Variants in ARRDC3 observed in about 807,000 individuals in gnomAD.
The protein encoded by ARRDC3 is arrestin domain-containing protein 3.
A neutral mutation model predicts 47.2 loss-of-function variants in ARRDC3; 10 were observed. That is an observed-to-expected ratio of 0.21 (90% CI 0.13 to 0.36). The LOEUF is 0.36. Among genes scored for constraint, ARRDC3 ranks in the 10% least tolerant of loss-of-function variants. The probability of loss-of-function intolerance (pLI) is 1.00; values close to 1 mark genes in which losing one functional copy is unlikely to be tolerated. For missense variants in ARRDC3, 381 were observed against 503.6 expected, an observed-to-expected ratio of 0.76 and a Z score of 2.33; for synonymous variants, 156 against 178.3, an observed-to-expected ratio of 0.87 and a Z score of 1.00.
At chr5:91,382,725 A>G (rs1799479356) in intron 1 of ARRDC3, 88 bp downstream of exon 1, 2 of 1,359,190 alleles carry the variant, frequency 1.5e-6, no homozygotes, top group African/African-American at 1.5e-5. Context: ...TAGTTATGCT[A>G]GGAGTAGAAT....
chr5:91,371,068 G>T lies in ARRDC3; in HGVS notation c.*332C>A. The T allele has an allele frequency of 4.1e-5, 9 of 217,388 alleles. No individual in the cohort carries two copies. Among genetic ancestry groups the T allele is most frequent in the East Asian group, 1.0e-4 (1 of 9,764 alleles). 13.5% of individuals were successfully genotyped at this position (217,388 alleles called of 1,614,324 possible). On this transcript the variant is annotated 3_prime_UTR_variant, in exon 8 of 8. Transcript: ENST00000265138. Reference sequence around the variant, plus strand: ...CGTCGAACCGCACAATGTAAGCATTGAGCATGTGCAAATTTTCAAATCAAA... The same window carrying T: ...CGTCGAACCGCACAATGTAAGCATTTAGCATGTGCAAATTTTCAAATCAAA...
At chr5:91,380,402 CT>C (rs1799424146) in intron 1 of ARRDC3, 1 of 152,244 alleles carries the variant, frequency 6.6e-6, no homozygotes. Flanking sequence ...ACTCTGACAC[CT>C]TTAGTTTCGG....
Position 91,378,097 on chromosome 5 carries a change from A to G in ARRDC3, c.362+597T>C, listed in dbSNP as rs192029056. Among the ~76,000 whole-genome samples the G allele has an allele frequency of 2.2e-3, 331 of 152,158 alleles. 3 individuals are homozygous for G. Among genetic ancestry groups the G allele is most frequent in the African/African-American group, 7.7e-3 (319 of 41,564 alleles). On this transcript the variant is annotated intron_variant, in intron 2 of 7. Transcript: ENST00000265138. ...CCACTTTCCTTTTTCCTTTCTTACT[A>G]GATTCCAAGTTTTATATTAATGTAT... is the stretch of plus-strand genomic sequence containing the variant.
At position 91,369,905 on chromosome 5, in the gene ARRDC3, T is replaced by A. The variant is rs960100049; in HGVS notation, c.*1495A>T. 3 of 152,216 alleles carry A rather than the reference T, an allele frequency of 2.0e-5. No homozygotes were observed. The highest frequency in any genetic ancestry group is 4.4e-5 in the Non-Finnish European group (3 of 68,034). 9.4% of individuals were successfully genotyped at this position (152,216 alleles called of 1,614,324 possible). A position where few individuals can be genotyped will look rare whatever the true frequency, so the allele number is the denominator to read the frequency against. ...CTTACTGATGTGATTGTTCTTCCTA[T>A]GTAATCTATACATAATCAAAGTGAG... On this transcript the variant is annotated 3_prime_UTR_variant, in exon 8 of 8. Coordinates refer to ENST00000265138, the MANE Select transcript of ARRDC3 (RefSeq NM_020801.4).
At chr5:91,371,706 T>C (rs902217530) in intron 7 of ARRDC3, among the ~76,000 whole-genome samples, 8 of 152,180 alleles carry the variant, frequency 5.3e-5, no homozygotes, top group Admixed American at 6.5e-5. Context: ...CATGTCTGAA[T>C]AGTCCCCTAT....
intron 7 of ARRDC3, among the ~76,000 whole-genome samples, 177 bp from the exon 8 acceptor site, chr5:91,371,633 G>A (rs541588879): frequency 2.0e-5 from 3 of 152,158 alleles, no homozygotes; most frequent in Admixed American, 2.0e-4. Context: ...ATGTGGGGAG[G>A]AAAGGGTGTT....
intron 2 of ARRDC3, among the ~76,000 whole-genome samples, 154 bp downstream of exon 2, chr5:91,378,537 GCTT>G (rs568346501): frequency 2.0e-5 from 3 of 151,936 alleles, no homozygotes; most frequent in Non-Finnish European, 2.9e-5. Context: ...TTAAAAAATA[GCTT>G]CTTATGTTTA....
At chr5:91,375,457 A>T (rs1363839) in intron 4 of ARRDC3, 54 bp downstream of exon 4, 263,126 of 1,211,210 alleles carry the variant, frequency 0.22, 42,529 homozygotes, top group African/African-American at 0.69. Context: ...TATAAATTTA[A>T]ACACAAAAGC....
At position 91,373,759 on chromosome 5, in the gene ARRDC3, A is replaced by G; in HGVS notation, c.1113T>C (p.Phe371=). 6.2e-7 allele frequency: 1 copy of G among 1,614,100 alleles called. No individual in the cohort carries two copies. Among genetic ancestry groups the G allele is most frequent in the Non-Finnish European group, 8.5e-7 (1 of 1,179,970 alleles). ...ACAGTGGTCCTTGAAGGGCTCTCTC[A>G]AAGTCATCACAAGCACTCACTGGTG... ...NLAPVSACDD[F]ERALQGPLFA... is the part of the protein sequence containing the mutation. The change falls in exon 7 of 8, where the codon TTT becomes TTC. Residue 371 remains phenylalanine (F), a synonymous_variant. Coordinates refer to ENST00000265138, the MANE Select transcript of ARRDC3 (RefSeq NM_020801.4).
intron 1 of ARRDC3, among the ~76,000 whole-genome samples, chr5:91,382,368 AAC>A (rs1441256556): frequency 3.9e-5 from 6 of 152,252 alleles, no homozygotes. Flanking sequence ...TTAAAAATGA[AAC>A]ACACCCATTA....
At chr5:91,377,797 T>C (rs115285493) in intron 2 of ARRDC3, among the ~76,000 whole-genome samples, 1 of 152,022 alleles carries the variant, frequency 6.6e-6, no homozygotes, top group Admixed American at 6.5e-5. Context: ...GGCATTATAT[T>C]CCAAATAAAA....
At chr5:91,372,687 C>T (rs574908795) in intron 7 of ARRDC3, among the ~76,000 whole-genome samples, 1 of 151,824 alleles carries the variant, frequency 6.6e-6, no homozygotes, top group East Asian at 1.9e-4. Context: ...TCATCACAAC[C>T]AAAGGAAAAC....
At position 91,376,650 on chromosome 5, in the gene ARRDC3, G is replaced by T; in HGVS notation, c.481C>A (p.His161Asn). Residue 161 changes from histidine to asparagine, a missense_variant, in exon 3 of 8, where the codon CAT (histidine) becomes AAT (asparagine). Physicochemically the swap from His to Asn is moderately conservative, Grantham distance 68. Coordinates refer to ENST00000265138, the MANE Select transcript of ARRDC3 (RefSeq NM_020801.4). ...KLKKEFTVFE[H>N]IDINTPSLLS... ...AATGAAGGAGTGTTGATATCTATAT[G>T]CTCAAAGACTGTAAATTCCTTCTTT... 1.2e-6 allele frequency: 2 copies of T among 1,612,256 alleles called. No individual in the cohort carries two copies. The highest frequency in any genetic ancestry group is 1.7e-6 in the Non-Finnish European group (2 of 1,178,494).
At chr5:91,372,097 CAGAGTGACTTTT>C (rs988314682) in intron 7 of ARRDC3, among the ~76,000 whole-genome samples, 1 of 152,042 alleles carries the variant, frequency 6.6e-6, no homozygotes, top group African/African-American at 2.4e-5. Flanking sequence ...TCTTTATCTT[CAGAGTGACTTTT>C]ATATGCACAT....
At chr5:91,372,612 G>T (rs1799202649) in intron 7 of ARRDC3, among the ~76,000 whole-genome samples, 1 of 151,816 alleles carries the variant, frequency 6.6e-6, no homozygotes, top group South Asian at 2.1e-4. Context: ...AAAATAAATA[G>T]AAAAAATTAT....
intron 1 of ARRDC3, chr5:91,380,756 G>A (rs1799435109): frequency 6.6e-6 from 1 of 152,360 alleles, no homozygotes; most frequent in Non-Finnish European, 1.5e-5. Context: ...TTCTGCTAAA[G>A]TTGGGTCCAT....
rs1328717318 is a variant in ARRDC3, at chr5:91,370,635, T to C, written c.*765A>G. The C allele has an allele frequency of 2.0e-5, 3 of 152,596 alleles. No individual in the cohort carries two copies. Among genetic ancestry groups the C allele is most frequent in the African/African-American group, 7.2e-5 (3 of 41,446 alleles). 9.5% of individuals were successfully genotyped at this position (152,596 alleles called of 1,614,324 possible). On this transcript the variant is annotated 3_prime_UTR_variant, in exon 8 of 8. Coordinates refer to ENST00000265138, the MANE Select transcript of ARRDC3 (RefSeq NM_020801.4). ...GTAATAGTAGAAAGGCAACAAATTC[T>C]TAAAAGAAACCAAGAAGGTATACAA... is the stretch of plus-strand genomic sequence containing the variant.
rs1447751995 is a variant in ARRDC3, at chr5:91,382,798, A to G, written c.280+15T>C. ...AGAAAATGAGTCCAATGACTTATGAATAACAAAAACTTACCTCTTTCGTGC... is the reference window on the plus strand; with the variant it reads ...AGAAAATGAGTCCAATGACTTATGAGTAACAAAAACTTACCTCTTTCGTGC... On this transcript the variant is annotated intron_variant, in intron 1 of 7. Coordinates refer to ENST00000265138, the MANE Select transcript of ARRDC3 (RefSeq NM_020801.4). 2.5e-6 allele frequency: 4 copies of G among 1,603,792 alleles called. No homozygotes were observed. In the South Asian group the frequency reaches 4.5e-5, roughly 18 times the overall value.
chr5:91,381,685 A>T (rs1332739885), intron 1 of ARRDC3, among the ~76,000 whole-genome samples: 1 of 152,016 alleles, frequency 6.6e-6, no homozygotes, highest in African/African-American at 2.4e-5. Context: ...TATGTCTCTA[A>T]TTTTTTTTCT....
Sources: allele counts gnomAD v4.1 joint callset (sites outside exome capture counted in the v4.1 genomes callset), GRCh38; gene constraint gnomAD v4.1.1; transcripts MANE v1.5; gene names NCBI Gene and HGNC (gene_info 2026-07-23, HGNC 2026-07-21).